TRIM23: variants seen among roughly 807,000 people sequenced by gnomAD.
TRIM23 encodes the protein E3 ubiquitin-protein ligase TRIM23.
In TRIM23, 27 loss-of-function variants were observed where a neutral mutation model predicts 71.0. That is an observed-to-expected ratio of 0.38 (90% CI 0.28 to 0.52). The LOEUF is 0.52. Ranked by LOEUF, TRIM23 falls within the 20% of genes least tolerant of loss-of-function variation. The probability of loss-of-function intolerance (pLI) is 0.84; values close to 1 mark genes in which losing one functional copy is unlikely to be tolerated. For synonymous variants in TRIM23, 234 were observed against 238.0 expected, an observed-to-expected ratio of 0.98 and a Z score of 0.16; for missense variants, 482 against 692.3, an observed-to-expected ratio of 0.70 and a Z score of 3.41.
rs1753973784 is a variant in TRIM23 at position 65,589,919 on chromosome 5, GCA to G, written c.*1848_*1849del. ...CTTCTTAGTTTCCCAGGGAAGACTA[GCA>G]CAGTCTTAACTAATGATTAGTGAAA... On this transcript the variant is annotated 3_prime_UTR_variant, in exon 11 of 11. Coordinates refer to ENST00000231524, the MANE Select transcript of TRIM23 (RefSeq NM_001656.4). 1 of 162,738 alleles carries G rather than the reference GCA, an allele frequency of 6.1e-6. No homozygotes were observed. The highest frequency in any genetic ancestry group is 1.3e-5 in the Non-Finnish European group (1 of 74,616). The allele number at this position is 162,738 out of a possible 1,614,324, so 10.1% of individuals were successfully genotyped here.
At chr5:65,594,855 T>C (rs761251609) in intron 9 of TRIM23, among the ~76,000 whole-genome samples, 2 of 152,168 alleles carry the variant, frequency 1.3e-5, no homozygotes, top group African/African-American at 2.4e-5. Context: ...AGGTTTAGTT[T>C]CCCCATCTAG....
At chr5:65,616,265 T>C (rs1282286632) in intron 2 of TRIM23, among the ~76,000 whole-genome samples, 1 of 152,186 alleles carries the variant, frequency 6.6e-6, no homozygotes, top group Non-Finnish European at 1.5e-5. Flanking sequence ...TCTAGTTCCC[T>C]GTCATAAATT....
chr5:65,616,782 C>T (rs1208175343), intron 2 of TRIM23, among the ~76,000 whole-genome samples: 2 of 151,804 alleles, frequency 1.3e-5, no homozygotes, highest in Non-Finnish European at 2.9e-5. Context: ...AGGGCAATGG[C>T]GTGATCTAGG....
At chr5:65,597,851 T>C (rs1217479911) in intron 7 of TRIM23, among the ~76,000 whole-genome samples, 2 of 152,192 alleles carry the variant, frequency 1.3e-5, no homozygotes, top group East Asian at 3.8e-4. Context: ...AGCTGCATGA[T>C]TTCTCTGCTT....
intron 7 of TRIM23, among the ~76,000 whole-genome samples, chr5:65,602,934 G>C (rs1299354454): frequency 6.6e-6 from 1 of 152,078 alleles, no homozygotes; most frequent in Non-Finnish European, 1.5e-5. Context: ...ATTTGGGTGG[G>C]GACACAGCCA....
intron 7 of TRIM23, among the ~76,000 whole-genome samples, 167 bp from the exon 8 acceptor site, chr5:65,597,347 G>A (rs976093809): frequency 1.4e-5 from 2 of 145,892 alleles, no homozygotes; most frequent in African/African-American, 5.1e-5. Context: ...CCTTCCCCAT[G>A]GCTAAATCTT....
At chr5:65,612,089 C>A (rs1166859846) in intron 3 of TRIM23, among the ~76,000 whole-genome samples, 1 of 152,126 alleles carries the variant, frequency 6.6e-6, no homozygotes, top group East Asian at 1.9e-4. Context: ...GATTAACTGG[C>A]CAATATATGT....
chr5:65,591,760 C>A lies in TRIM23; in HGVS notation c.*9G>T. On this transcript the variant is annotated 3_prime_UTR_variant, in exon 11 of 11. Transcript: ENST00000231524. ...ACCACAAAACTTCAAACAACTGCTGCCTTTAAAATCAAGCAACATCCAATA... is the reference window on the plus strand; with the variant it reads ...ACCACAAAACTTCAAACAACTGCTGACTTTAAAATCAAGCAACATCCAATA... The A allele has an allele frequency of 6.3e-7, 1 of 1,597,042 alleles. No homozygotes were observed. The highest frequency in any genetic ancestry group is 8.5e-7 in the Non-Finnish European group (1 of 1,169,914).
At chr5:65,609,545 A>C in intron 5 of TRIM23, 87 bp from the exon 6 acceptor site, 3 of 1,348,358 alleles carry the variant, frequency 2.2e-6, no homozygotes, top group Non-Finnish European at 3.0e-6. Flanking sequence ...CCTAGGCAAC[A>C]TGGCAAAACT....
At chr5:65,609,097 TA>T in intron 6 of TRIM23, 145 bp downstream of exon 6, 2 of 774,126 alleles carry the variant, frequency 2.6e-6, no homozygotes, top group South Asian at 3.7e-5. Context: ...ACTAGTGAAA[TA>T]ATTCAAGGTT....
intron 7 of TRIM23, among the ~76,000 whole-genome samples, chr5:65,601,105 G>T (rs1754352514): frequency 6.6e-6 from 1 of 152,128 alleles, no homozygotes; most frequent in Admixed American, 6.6e-5. Context: ...ATTAAAAACA[G>T]AACTACTATA....
Position 65,610,926 on chromosome 5 carries a change from C to A in TRIM23, c.763G>T (p.Val255Leu). 1 of 1,613,820 alleles carries A rather than the reference C, an allele frequency of 6.2e-7. No homozygotes were observed. Among genetic ancestry groups the A allele is most frequent in the Non-Finnish European group, 8.5e-7 (1 of 1,179,868 alleles). ...TGTTCTCCTCCTTCAATGTGCTGCA[C>A]AATTCCAACTAATTTTCTGGAATAA... is the stretch of plus-strand genomic sequence containing the variant. ...SDYSRKLVGI[V>L]QHIEGGEQIV... The change falls in exon 5 of 11, where the codon GTG becomes TTG. Residue 255 changes from valine (V) to leucine (L), a missense_variant. Val to Leu is a conservative substitution (Grantham distance 32). Coordinates refer to ENST00000231524, the MANE Select transcript of TRIM23 (RefSeq NM_001656.4).
chr5:65,597,103 A>G lies in TRIM23; in HGVS notation c.1257T>C (p.Thr419=), dbSNP rs1754228789. The change falls in exon 8 of 11, where the codon ACT becomes ACC. Residue 419 remains threonine (T), a synonymous_variant. Coordinates refer to ENST00000231524, the MANE Select transcript of TRIM23 (RefSeq NM_001656.4). ...TLGLDGAGKT[T]ILFKLKQDEF... ...CATCCTGTTTTAACTTAAACAAGAT[A>G]GTAGTTTTTCCAGCACCATCCAATC... is the stretch of plus-strand genomic sequence containing the variant. The G allele has an allele frequency of 6.2e-7, 1 of 1,614,222 alleles. No homozygotes were observed. The highest frequency in any genetic ancestry group is 8.5e-7 in the Non-Finnish European group (1 of 1,180,022).
chr5:65,592,106 T>C (rs1043127030), intron 10 of TRIM23, among the ~76,000 whole-genome samples, 158 bp from the exon 11 acceptor site: 3 of 152,166 alleles, frequency 2.0e-5, no homozygotes, highest in African/African-American at 4.8e-5. Context: ...TTAATAAGAA[T>C]AGAAAAAATT....
intron 1 of TRIM23, 119 bp from the exon 2 acceptor site, chr5:65,618,374 A>T: frequency 1.9e-6 from 2 of 1,057,780 alleles, no homozygotes; most frequent in Non-Finnish European, 1.2e-6. Context: ...TTCCTCTATG[A>T]AAAAAAAACT....
At chr5:65,603,738 T>A (rs574346570) in intron 7 of TRIM23, among the ~76,000 whole-genome samples, 11 of 152,234 alleles carry the variant, frequency 7.2e-5, no homozygotes, top group African/African-American at 2.6e-4. Context: ...ATGGTACACA[T>A]GAACACTTTT....
chr5:65,611,083 ATTGACT>A, intron 4 of TRIM23, 40 bp from the exon 5 acceptor site: 1 of 1,512,152 alleles, frequency 6.6e-7, no homozygotes. Flanking sequence ...AACTCATAGT[ATTGACT>A]AATAATATAA....
rs753983968 is a variant in TRIM23, at chr5:65,591,544, T to G, written c.*225A>C. On this transcript the variant is annotated 3_prime_UTR_variant, in exon 11 of 11. Transcript: ENST00000231524. ...ACTTTTTAAAAGAATGTATATTCAA[T>G]AAGTTTCTATTTAATTCAATCTAAT... is the stretch of plus-strand genomic sequence containing the variant. 5.3e-5 allele frequency: 78 copies of G among 1,469,712 alleles called. No homozygotes were observed. Among genetic ancestry groups the G allele is most frequent in the Admixed American group, 1.9e-4 (9 of 46,444 alleles). The allele number at this position is 1,469,712 out of a possible 1,614,324, so 91.0% of individuals were successfully genotyped here. A position where few individuals can be genotyped will look rare whatever the true frequency, so the allele number is the denominator to read the frequency against.
intron 9 of TRIM23, among the ~76,000 whole-genome samples, chr5:65,594,971 G>GAT (rs1340312137): frequency 6.6e-6 from 1 of 152,090 alleles, no homozygotes; most frequent in African/African-American, 2.4e-5. Flanking sequence ...TCTACCTATG[G>GAT]ATGCTACTTG....
Sources: allele counts gnomAD v4.1 joint callset (sites outside exome capture counted in the v4.1 genomes callset), GRCh38; gene constraint gnomAD v4.1.1; transcripts MANE v1.5; gene names NCBI Gene and HGNC (gene_info 2026-07-23, HGNC 2026-07-21).